Variants in POM121 observed in about 807,000 individuals in gnomAD.
POM121 encodes the protein nuclear envelope pore membrane protein POM 121.
A neutral mutation model predicts 81.3 loss-of-function variants in POM121; 32 were observed. The observed-to-expected ratio is 0.39, with a 90% CI of 0.30 to 0.53. The LOEUF (loss-of-function observed/expected upper bound fraction) is 0.53. POM121 is among the 20% of genes least tolerant of loss of function. The pLI is 0.66. For missense variants in POM121, 1,138 were observed against 1,614.6 expected (o/e 0.70, Z 5.06); for synonymous variants, 514 against 694.2 (o/e 0.74, Z 4.08).
At chr7:72,920,590 A>AGG (rs1794728591), upstream of POM121, among the ~76,000 whole-genome samples, 1 of 151,954 alleles carries the variant, frequency 6.6e-6, no homozygotes, top group Non-Finnish European at 1.5e-5. Flanking sequence ...TCCTGACCTC[A>AGG]TGATCCGCCC....
intron 1 of POM121, chr7:72,879,963 G>T (rs1789965385): frequency 4.7e-6 from 2 of 425,196 alleles, no homozygotes; most frequent in Non-Finnish European, 9.2e-6. Flanking sequence ...TAGAGTGTGG[G>T]GCAGAGGGAG....
intron 3 of POM121, among the ~76,000 whole-genome samples, chr7:72,900,083 G>C (rs1258720011): frequency 6.6e-6 from 1 of 152,198 alleles, no homozygotes; most frequent in African/African-American, 2.4e-5. Flanking sequence ...GTTGTGCCCT[G>C]TAGAATTATT....
At chr7:72,936,411 G>C (rs1796510635) in intron 5 of POM121, among the ~76,000 whole-genome samples, 1 of 151,474 alleles carries the variant, frequency 6.6e-6, no homozygotes, top group African/African-American at 2.4e-5. Context: ...CCAAGTAGCT[G>C]GGACTACAGG....
chr7:72,882,272 A>G (rs1197870795), intron 1 of POM121, among the ~76,000 whole-genome samples: 1 of 152,180 alleles, frequency 6.6e-6, no homozygotes, highest in Non-Finnish European at 1.5e-5. Flanking sequence ...TGAAAGGTGA[A>G]GGGAAAGTGG....
In POM121 at chr7:72,947,020, AC is replaced by A. The variant is rs1340369583; in HGVS notation, c.*789del. On this transcript the variant is annotated 3_prime_UTR_variant, in exon 13 of 13. Coordinates refer to ENST00000434423, the MANE Select transcript of POM121 (RefSeq NM_001387691.1). ...GCTTCAGCTGCCTCCTCGCCCAGCT[AC>A]CCTTTGGCCCCATTGGGCCCTCGTC... 1 of 920,742 alleles carries A rather than the reference AC, an allele frequency of 1.1e-6. No individual in the cohort carries two copies. Among genetic ancestry groups the A allele is most frequent in the Admixed American group, 7.9e-5 (1 of 12,714 alleles). The allele number at this position is 920,742 out of a possible 1,614,324, so 57.0% of individuals were successfully genotyped here.
intron 3 of POM121, among the ~76,000 whole-genome samples, chr7:72,892,035 C>T (rs1791348986): frequency 6.6e-6 from 1 of 152,162 alleles, no homozygotes; most frequent in Non-Finnish European, 1.5e-5. Flanking sequence ...TGTTCATTTC[C>T]CCTTCCCCAT....
At chr7:72,910,380 C>A (rs770174349) in intron 3 of POM121, among the ~76,000 whole-genome samples, 1 of 152,138 alleles carries the variant, frequency 6.6e-6, no homozygotes, top group Non-Finnish European at 1.5e-5. Flanking sequence ...GAAATGTACA[C>A]GACGTTATAT....
At chr7:72,896,902 T>C (rs1792016631) in intron 3 of POM121, among the ~76,000 whole-genome samples, 1 of 152,280 alleles carries the variant, frequency 6.6e-6, no homozygotes, top group Non-Finnish European at 1.5e-5. Context: ...ATACACTTTA[T>C]TGCAGGAAAA....
At chr7:72,893,194 T>C (rs1249788795) in intron 3 of POM121, among the ~76,000 whole-genome samples, 1 of 152,070 alleles carries the variant, frequency 6.6e-6, no homozygotes, top group Non-Finnish European at 1.5e-5. Context: ...CTCTTGGCCT[T>C]GTGATCTGCC....
upstream of POM121, among the ~76,000 whole-genome samples, chr7:72,920,530 AT>A (rs1305768833): frequency 1.3e-5 from 2 of 151,292 alleles, no homozygotes; most frequent in Admixed American, 6.6e-5. Context: ...GATTTTTTGT[AT>A]TTTTAGTAGA....
intron 3 of POM121, 115 bp downstream of exon 3, chr7:72,927,078 C>T: frequency 1.3e-6 from 2 of 1,529,046 alleles, no homozygotes; most frequent in Non-Finnish European, 1.8e-6. Context: ...CCTTCGTAGG[C>T]CCCCTTCTTT....
chr7:72,898,807 A>C, intron 3 of POM121, among the ~76,000 whole-genome samples: 1 of 150,656 alleles, frequency 6.6e-6, no homozygotes. Flanking sequence ...AAAAAAAAAA[A>C]AAAAAAAAAA....
In POM121 at chr7:72,946,462, A is replaced by G. The variant is rs1388474985; in HGVS notation, c.*228A>G. ...CGGAGGGCCAAAGCCCGGGACCTCTACTTGAACAGTTCTACTGGGGAGGCT... is the reference window on the plus strand; with the variant it reads ...CGGAGGGCCAAAGCCCGGGACCTCTGCTTGAACAGTTCTACTGGGGAGGCT... On this transcript the variant is annotated 3_prime_UTR_variant, in exon 13 of 13. Coordinates refer to ENST00000434423, the MANE Select transcript of POM121 (RefSeq NM_001387691.1). 13 of 1,383,696 alleles carry G rather than the reference A, an allele frequency of 9.4e-6. 1 individual carries two copies. The highest frequency in any genetic ancestry group is 1.0e-5 in the Non-Finnish European group (11 of 1,065,966). The allele number at this position is 1,383,696 out of a possible 1,614,324, so 85.7% of individuals were successfully genotyped here. A position where few individuals can be genotyped will look rare whatever the true frequency, so the allele number is the denominator to read the frequency against.
chr7:72,886,141 GTTAA>G (rs1237520608), intron 1 of POM121, among the ~76,000 whole-genome samples: 2 of 151,422 alleles, frequency 1.3e-5, no homozygotes, highest in Non-Finnish European at 2.9e-5. Context: ...TTACGTTGTT[GTTAA>G]TTAAACAGTA....
At chr7:72,890,230 A>T (rs1327430076) in intron 1 of POM121, among the ~76,000 whole-genome samples, 3 of 152,188 alleles carry the variant, frequency 2.0e-5, no homozygotes, top group Non-Finnish European at 4.4e-5. Context: ...AGTGGTGGGC[A>T]CTCCAACATG....
chr7:72,938,049 C>T (rs559537295), intron 5 of POM121, among the ~76,000 whole-genome samples: 1 of 152,294 alleles, frequency 6.6e-6, no homozygotes, highest in African/African-American at 2.4e-5. Context: ...TGTGTCCTGG[C>T]TCTTCATTAC....
chr7:72,935,481 A>T (rs1796423298), intron 5 of POM121, among the ~76,000 whole-genome samples: 1 of 152,114 alleles, frequency 6.6e-6, no homozygotes, highest in Non-Finnish European at 1.5e-5. Context: ...TGCCTCCTTC[A>T]TTTATTTACA....
At chr7:72,933,915 A>T (rs1796262959) in intron 5 of POM121, among the ~76,000 whole-genome samples, 1 of 152,164 alleles carries the variant, frequency 6.6e-6, no homozygotes, top group Non-Finnish European at 1.5e-5. Context: ...CATGAGAATG[A>T]TCTCAAAAAG....
Position 72,948,035 on chromosome 7 carries a change from G to C in POM121, c.*1801G>C. On this transcript the variant is annotated 3_prime_UTR_variant, in exon 13 of 13. Coordinates refer to ENST00000434423, the MANE Select transcript of POM121 (RefSeq NM_001387691.1). ...GGGCCTAGCAATCAAGCTTCTACCT[G>C]TACCTTATGTAAGGTAGACCCTCCT... 1 of 1,206,690 alleles carries C rather than the reference G, an allele frequency of 8.3e-7. No individual in the cohort carries two copies. The highest frequency in any genetic ancestry group is 1.0e-6 in the Non-Finnish European group (1 of 962,366). The allele number at this position is 1,206,690 out of a possible 1,614,324, so 74.7% of individuals were successfully genotyped here.
Sources: gnomAD v4.1 joint callset for allele counts (sites outside exome capture counted in the v4.1 genomes callset) on GRCh38, gnomAD v4.1.1 for gene constraint, MANE v1.5 for transcripts, NCBI Gene and HGNC (gene_info 2026-07-23, HGNC 2026-07-21) for gene names.